TFCP2L1: variants seen among roughly 807,000 people sequenced by gnomAD.
TFCP2L1 encodes the protein transcription factor CP2 like 1.
In TFCP2L1, 12 loss-of-function variants were observed where a neutral mutation model predicts 72.2. The ratio of observed to expected loss-of-function variants is 0.17; its 90% CI spans 0.11 to 0.27. The LOEUF is 0.27. Ranked by LOEUF, TFCP2L1 falls within the 10% of genes least tolerant of loss-of-function variation. The pLI is 1.00. For synonymous variants in TFCP2L1, 260 were observed against 251.0 expected (o/e 1.04, Z -0.34); for missense variants, 488 against 624.6 (o/e 0.78, Z 2.33).
At chr2:121,235,353 A>G (rs1686224370) in intron 10 of TFCP2L1, 42 bp from the exon 11 acceptor site, 1 of 1,606,154 alleles carries the variant, frequency 6.2e-7, no homozygotes, top group South Asian at 1.1e-5. Flanking sequence ...CATGGAACCC[A>G]GAGAAAGGGC....
intron 13 of TFCP2L1, among the ~76,000 whole-genome samples, chr2:121,227,303 G>T (rs573213640): frequency 2.0e-5 from 3 of 152,276 alleles, no homozygotes; most frequent in African/African-American, 7.2e-5. Flanking sequence ...TACTTCAATG[G>T]TTCTTTAACT....
At chr2:121,285,004 G>T in intron 1 of TFCP2L1, 44 bp downstream of exon 1, 2 of 1,436,092 alleles carry the variant, frequency 1.4e-6, no homozygotes. Flanking sequence ...CGCCCGGCCC[G>T]CCGGCCCGGC....
intron 2 of TFCP2L1, among the ~76,000 whole-genome samples, chr2:121,258,291 T>C (rs939207756): frequency 1.3e-5 from 2 of 152,142 alleles, no homozygotes; most frequent in Non-Finnish European, 2.9e-5. Context: ...GGCACTTTGG[T>C]AATACCCATC....
intron 2 of TFCP2L1, among the ~76,000 whole-genome samples, chr2:121,254,242 A>G (rs138717375): frequency 2.0e-5 from 3 of 152,332 alleles, no homozygotes; most frequent in African/African-American, 7.2e-5. Flanking sequence ...AGGGTTTGCC[A>G]AAGTTAAGAC....
At chr2:121,261,702 C>T (rs764932163) in intron 2 of TFCP2L1, among the ~76,000 whole-genome samples, 3 of 152,170 alleles carry the variant, frequency 2.0e-5, no homozygotes, top group South Asian at 2.1e-4. Flanking sequence ...AGTCCAACAA[C>T]GGATGCTAAA....
intron 2 of TFCP2L1, among the ~76,000 whole-genome samples, chr2:121,274,920 A>G (rs1256035459): frequency 6.6e-6 from 1 of 152,008 alleles, no homozygotes; most frequent in Non-Finnish European, 1.5e-5. Flanking sequence ...GCCTGGGTGA[A>G]AGAGCAAGAA....
chr2:121,269,412 C>T (rs1227609560), intron 2 of TFCP2L1, among the ~76,000 whole-genome samples: 1 of 151,992 alleles, frequency 6.6e-6, no homozygotes, highest in African/African-American at 2.4e-5. Flanking sequence ...CGCACCACTG[C>T]ACTCTAGCCT....
intron 2 of TFCP2L1, among the ~76,000 whole-genome samples, chr2:121,255,641 C>T (rs1028412884): frequency 6.6e-6 from 1 of 152,192 alleles, no homozygotes; most frequent in Non-Finnish European, 1.5e-5. Context: ...ACTGGGCCAC[C>T]CCTCCACACC....
At chr2:121,279,550 T>C (rs760670482) in intron 2 of TFCP2L1, among the ~76,000 whole-genome samples, 8 of 152,174 alleles carry the variant, frequency 5.3e-5, no homozygotes, top group Non-Finnish European at 1.0e-4. Context: ...AGGGGGTTGC[T>C]TCTACCCAGA....
In TFCP2L1 at chr2:121,239,082, G is replaced by C. The variant is rs571105886; in HGVS notation, c.860+476C>G. Among the ~76,000 whole-genome samples, 5 of 152,278 alleles carry C rather than the reference G, an allele frequency of 3.3e-5. No homozygotes were observed. In the South Asian group the frequency reaches 1.0e-3, roughly 32 times the overall value. ...CATCCTCAGGGTCCATGTGGCCTGT[G>C]TGTCTGCAGAGCTGTGTGGGACAGC... On this transcript the variant is annotated intron_variant, in intron 8 of 14. Coordinates refer to ENST00000263707, the MANE Select transcript of TFCP2L1 (RefSeq NM_014553.3).
intron 2 of TFCP2L1, among the ~76,000 whole-genome samples, chr2:121,278,106 G>A (rs1380153380): frequency 1.3e-4 from 19 of 145,642 alleles, no homozygotes; most frequent in African/African-American, 3.5e-4. Context: ...GCGCAATCTC[G>A]GCTCACTGCA....
intron 10 of TFCP2L1, among the ~76,000 whole-genome samples, chr2:121,235,592 T>TAA (rs1558729309): frequency 1.3e-5 from 2 of 149,416 alleles, no homozygotes; most frequent in African/African-American, 2.5e-5. Flanking sequence ...TTTTTTTTTT[T>TAA]TTTTTAAGAG....
intron 7 of TFCP2L1, among the ~76,000 whole-genome samples, 153 bp from the exon 8 acceptor site, chr2:121,239,802 G>A (rs201610102): frequency 5.9e-5 from 9 of 152,176 alleles, no homozygotes; most frequent in East Asian, 1.9e-4. Context: ...AGTGAGCCAC[G>A]GCAAGGCAGG....
chr2:121,279,615 T>A (rs894858239), intron 2 of TFCP2L1, among the ~76,000 whole-genome samples: 1 of 152,246 alleles, frequency 6.6e-6, no homozygotes, highest in South Asian at 2.1e-4. Flanking sequence ...GCCCAGAAGC[T>A]GGCAAATTCA....
At chr2:121,257,221 C>T (rs980781725) in intron 2 of TFCP2L1, among the ~76,000 whole-genome samples, 2 of 152,158 alleles carry the variant, frequency 1.3e-5, no homozygotes, top group African/African-American at 4.8e-5. Context: ...GGCACAGTGA[C>T]AGGCTCCACT....
At chr2:121,252,238 A>C (rs1346368016) in intron 2 of TFCP2L1, among the ~76,000 whole-genome samples, 19 of 152,134 alleles carry the variant, frequency 1.2e-4, no homozygotes, top group Admixed American at 1.2e-3. Context: ...GTAGAGACCA[A>C]GTCTCACTAT....
chr2:121,249,466 T>C (rs1558736165), intron 3 of TFCP2L1, 105 bp downstream of exon 3: 2 of 1,058,342 alleles, frequency 1.9e-6, no homozygotes, highest in Non-Finnish European at 2.9e-6. Context: ...ACCCGGCCTC[T>C]CCCTAACCTT....
chr2:121,224,117 T>G lies in TFCP2L1; in HGVS notation c.*224A>C. 4 of 591,640 alleles carry G rather than the reference T, an allele frequency of 6.8e-6. No homozygotes were observed. Among genetic ancestry groups the G allele is most frequent in the Non-Finnish European group, 1.2e-5 (4 of 332,480 alleles). The allele number at this position is 591,640 out of a possible 1,614,324, so 36.6% of individuals were successfully genotyped here. A position where few individuals can be genotyped will look rare whatever the true frequency, so the allele number is the denominator to read the frequency against. On this transcript the variant is annotated 3_prime_UTR_variant, in exon 15 of 15. Coordinates refer to ENST00000263707, the MANE Select transcript of TFCP2L1 (RefSeq NM_014553.3). Reference sequence around the variant, plus strand: ...AAAGAACAAGGAACCATTCAAAATCTGGAGGCCAAGAGGAAGGGAGAAAGG... The same window carrying G: ...AAAGAACAAGGAACCATTCAAAATCGGGAGGCCAAGAGGAAGGGAGAAAGG...
chr2:121,247,525 AAAC>A (rs777077161), intron 5 of TFCP2L1, among the ~76,000 whole-genome samples: 18 of 152,096 alleles, frequency 1.2e-4, no homozygotes, highest in Admixed American at 2.6e-4. Flanking sequence ...AATAATTTTT[AAAC>A]ATATTAAGAG....
Sources: gnomAD v4.1 joint callset for allele counts (sites outside exome capture counted in the v4.1 genomes callset) on GRCh38, gnomAD v4.1.1 for gene constraint, MANE v1.5 for transcripts, NCBI Gene and HGNC (gene_info 2026-07-23, HGNC 2026-07-21) for gene names.